GRIK1: variants seen among roughly 807,000 people sequenced by gnomAD.
GRIK1 encodes glutamate ionotropic receptor kainate type subunit 1.
A neutral mutation model predicts 105.7 loss-of-function variants in GRIK1; 69 were observed. The ratio of observed to expected loss-of-function variants is 0.65; its 90% confidence interval spans 0.54 to 0.80. The LOEUF (loss-of-function observed/expected upper bound fraction) is 0.80, where lower values mean the gene tolerates loss of function less well. GRIK1 is among the 30% of genes least tolerant of loss of function. GRIK1 has a pLI of 0.00. For missense variants in GRIK1, 1,109 were observed against 1,167.3 expected, an observed-to-expected ratio of 0.95 and a Z score of 0.73; for synonymous variants, 438 against 431.3, an observed-to-expected ratio of 1.02 and a Z score of -0.19.
chr21:29,579,569 T>A (rs1426834267), intron 13 of GRIK1, among the ~76,000 whole-genome samples: 1 of 152,150 alleles, frequency 6.6e-6, no homozygotes, highest in Non-Finnish European at 1.5e-5. Context: ...GTTTTCCAAT[T>A]GAGTACAGTG....
intron 1 of GRIK1, among the ~76,000 whole-genome samples, chr21:29,867,530 C>A (rs774133265): frequency 6.6e-6 from 1 of 152,010 alleles, no homozygotes. Context: ...CACGGTGGCT[C>A]ATGCCTGTAA....
At chr21:29,785,584 A>G (rs1394150756) in intron 1 of GRIK1, among the ~76,000 whole-genome samples, 1 of 146,434 alleles carries the variant, frequency 6.8e-6, no homozygotes, top group East Asian at 2.0e-4. Context: ...AAAAAAAAAA[A>G]GCCCCCGAAA....
chr21:29,621,698 G>A (rs908922475), intron 7 of GRIK1, among the ~76,000 whole-genome samples: 5 of 152,158 alleles, frequency 3.3e-5, no homozygotes, highest in Admixed American at 1.3e-4. Context: ...TCTAGGACAA[G>A]ACTGGTATGA....
At chr21:29,702,712 A>T (rs2063835852) in intron 1 of GRIK1, among the ~76,000 whole-genome samples, 1 of 152,178 alleles carries the variant, frequency 6.6e-6, no homozygotes, top group South Asian at 2.1e-4. Flanking sequence ...CTCCATCTCA[A>T]AAAACAAACA....
chr21:29,891,934 C>T (rs2069916250), intron 1 of GRIK1, among the ~76,000 whole-genome samples: 1 of 152,176 alleles, frequency 6.6e-6, no homozygotes, highest in South Asian at 2.1e-4. Flanking sequence ...TCTTGTTATA[C>T]AGCAGTGTCT....
chr21:29,697,244 A>G (rs2063721783), intron 1 of GRIK1, among the ~76,000 whole-genome samples: 1 of 152,134 alleles, frequency 6.6e-6, no homozygotes, highest in Non-Finnish European at 1.5e-5. Flanking sequence ...TGCCCTGAAA[A>G]CTCAAAAATT....
chr21:29,828,011 C>CTCTGTG (rs1218773356), intron 1 of GRIK1, among the ~76,000 whole-genome samples: 12 of 76,380 alleles, frequency 1.6e-4, no homozygotes, highest in African/African-American at 3.2e-4. Context: ...CTGTCTCTCT[C>CTCTGTG]TGTGTGTGTG....
intron 1 of GRIK1, among the ~76,000 whole-genome samples, chr21:29,841,039 A>T (rs962914945): frequency 6.6e-6 from 1 of 152,182 alleles, no homozygotes; most frequent in African/African-American, 2.4e-5. Context: ...GAAAAACCAT[A>T]TGTAATATTT....
intron 7 of GRIK1, among the ~76,000 whole-genome samples, chr21:29,624,573 A>G (rs910933774): frequency 7.9e-5 from 12 of 152,240 alleles, no homozygotes; most frequent in Admixed American, 2.0e-4. Flanking sequence ...ACTTTTGTCA[A>G]AACCTGAATT....
chr21:29,886,299 C>T (rs533873489), intron 1 of GRIK1, among the ~76,000 whole-genome samples: 29 of 152,164 alleles, frequency 1.9e-4, no homozygotes, highest in Admixed American at 1.7e-3. Flanking sequence ...TCTCTTTTGC[C>T]TCACTCCTTT....
At chr21:29,746,660 G>A (rs2065056733) in intron 1 of GRIK1, among the ~76,000 whole-genome samples, 1 of 152,196 alleles carries the variant, frequency 6.6e-6, no homozygotes. Flanking sequence ...CAAGTGAAAG[G>A]ACTTGGCTGA....
intron 4 of GRIK1, among the ~76,000 whole-genome samples, chr21:29,667,067 G>A (rs1386869490): frequency 2.0e-5 from 3 of 152,130 alleles, no homozygotes; most frequent in African/African-American, 7.2e-5. Flanking sequence ...GTATAAAATG[G>A]CCCCTGAGGT....
At chr21:29,811,088 G>A (rs970970027) in intron 1 of GRIK1, among the ~76,000 whole-genome samples, 1 of 152,038 alleles carries the variant, frequency 6.6e-6, no homozygotes, top group Non-Finnish European at 1.5e-5. Context: ...GGTGGTGCTC[G>A]CTGCTGCTGG....
In GRIK1 at chr21:29,837,079, C is replaced by T. The variant is rs1231979680; in HGVS notation, c.118+102304G>A. Among the ~76,000 whole-genome samples the T allele has an allele frequency of 2.6e-5, 4 of 152,316 alleles. No individual in the cohort carries two copies. In the East Asian group the frequency reaches 5.8e-4, roughly 22 times the overall value. ...GTCTTCAAAATCTGAAATGCTAGTT[C>T]ATACCCTTTTCACATGCTTTTCTGA... On this transcript the variant is annotated intron_variant, in intron 1 of 17. Coordinates refer to ENST00000327783, the MANE Select transcript of GRIK1 (RefSeq NM_001330994.2).
intron 1 of GRIK1, among the ~76,000 whole-genome samples, chr21:29,801,127 A>G (rs1205996758): frequency 1.3e-5 from 2 of 152,004 alleles, no homozygotes; most frequent in African/African-American, 4.8e-5. Flanking sequence ...TAGGGACAGA[A>G]ATGAGCTTAG....
At chr21:29,631,510 A>G (rs2062271250) in intron 7 of GRIK1, among the ~76,000 whole-genome samples, 1 of 152,232 alleles carries the variant, frequency 6.6e-6, no homozygotes, top group African/African-American at 2.4e-5. Context: ...TAGCCTCCAG[A>G]ACTATGAGAA....
chr21:29,814,002 C>A (rs7282811), intron 1 of GRIK1, among the ~76,000 whole-genome samples: 60,434 of 147,326 alleles, frequency 0.41, 13,701 homozygotes, highest in South Asian at 0.59. Context: ...GCAACCTCTG[C>A]CTCCCAGGTT....
intron 1 of GRIK1, among the ~76,000 whole-genome samples, chr21:29,730,428 C>T (rs2064585981): frequency 6.6e-6 from 1 of 152,094 alleles, no homozygotes; most frequent in Admixed American, 6.6e-5. Flanking sequence ...ATTTATGTGT[C>T]TCAATATTCT....
At chr21:29,561,233 T>C (rs1341544149) in intron 15 of GRIK1, among the ~76,000 whole-genome samples, 3 of 152,212 alleles carry the variant, frequency 2.0e-5, no homozygotes, top group Non-Finnish European at 4.4e-5. Flanking sequence ...ACTTTTGCTG[T>C]CCATATGCAG....
Sources: gnomAD v4.1 joint callset for allele counts (sites outside exome capture counted in the v4.1 genomes callset) on GRCh38, gnomAD v4.1.1 for gene constraint, MANE v1.5 for transcripts, NCBI Gene and HGNC (gene_info 2026-07-23, HGNC 2026-07-21) for gene names.